The following DRGX variants were observed in gnomAD, a reference collection of about 807,000 sequenced individuals.
DRGX encodes the protein dorsal root ganglia homeobox protein.
DRGX carries 21 observed loss-of-function variants against 28.6 expected under a neutral mutation model. The observed-to-expected ratio is 0.73, with a 90% CI of 0.52 to 1.06. DRGX has a LOEUF of 1.06. Among genes scored for constraint, DRGX ranks in the 50% least tolerant of loss-of-function variants. The pLI is 0.00. For synonymous variants in DRGX, 136 were observed against 139.1 expected, an observed-to-expected ratio of 0.98 and a Z score of 0.16; for missense variants, 354 against 343.9, an observed-to-expected ratio of 1.03 and a Z score of -0.23.
chr10:49,372,190 A>T (rs1849666522), intron 6 of DRGX, among the ~76,000 whole-genome samples: 1 of 152,216 alleles, frequency 6.6e-6, no homozygotes, highest in Non-Finnish European at 1.5e-5. Flanking sequence ...GGGGCCACTG[A>T]GTTGGCCGTG....
intron 2 of DRGX, among the ~76,000 whole-genome samples, chr10:49,393,392 C>G (rs750748549): frequency 6.6e-6 from 1 of 152,098 alleles, no homozygotes; most frequent in African/African-American, 2.4e-5. Context: ...AAAAAAATAG[C>G]AGATACTTTT....
rs1337689697 is a variant in DRGX at position 49,364,768 on chromosome 10, TG to T, written c.*1347del. 6 of 151,412 alleles carry T rather than the reference TG, an allele frequency of 4.0e-5. No homozygotes were observed. The East Asian group carries it at 1.2e-3, about 29-fold the overall frequency. The allele number at this position is 151,412 out of a possible 1,614,324, so 9.4% of individuals were successfully genotyped here. On this transcript the variant is annotated 3_prime_UTR_variant, in exon 7 of 7. Coordinates refer to ENST00000374139, the MANE Select transcript of DRGX (RefSeq NM_001276451.2). ...GGAGTATTATTTGGGGGTCATGGAG[TG>T]GGGGAAGGTAAAAAGGGGACAGGAA...
rs948268890 is a variant in DRGX, at chr10:49,365,843, C to T, written c.*273G>A. ...AGACTCTGGGCCTGGATGGAAATCC[C>T]AGGGAGGCTCCTCACAGAGAGGGCT... On this transcript the variant is annotated 3_prime_UTR_variant, in exon 7 of 7. Coordinates refer to ENST00000374139, the MANE Select transcript of DRGX (RefSeq NM_001276451.2). The T allele has an allele frequency of 1.2e-5, 4 of 341,928 alleles. No homozygotes were observed. Among genetic ancestry groups the T allele is most frequent in the Non-Finnish European group, 2.1e-5 (4 of 191,556 alleles). The allele number at this position is 341,928 out of a possible 1,614,324, so 21.2% of individuals were successfully genotyped here.
intron 6 of DRGX, among the ~76,000 whole-genome samples, chr10:49,376,183 C>T (rs1227816569): frequency 6.6e-6 from 1 of 152,110 alleles, no homozygotes; most frequent in Non-Finnish European, 1.5e-5. Flanking sequence ...TCAGGTTCCC[C>T]CACTATATTC....
In DRGX at chr10:49,365,843, C is replaced by A; in HGVS notation, c.*273G>T. On this transcript the variant is annotated 3_prime_UTR_variant, in exon 7 of 7. Transcript: ENST00000374139. Reference sequence around the variant, plus strand: ...AGACTCTGGGCCTGGATGGAAATCCCAGGGAGGCTCCTCACAGAGAGGGCT... The same window carrying A: ...AGACTCTGGGCCTGGATGGAAATCCAAGGGAGGCTCCTCACAGAGAGGGCT... 1 of 342,046 alleles carries A rather than the reference C, an allele frequency of 2.9e-6. No homozygotes were observed. Among genetic ancestry groups the A allele is most frequent in the Non-Finnish European group, 5.2e-6 (1 of 191,548 alleles). 21.2% of individuals were successfully genotyped at this position (342,046 alleles called of 1,614,324 possible).
At chr10:49,395,791 C>A in intron 1 of DRGX, 144 bp downstream of exon 1, 1 of 361,186 alleles carries the variant, frequency 2.8e-6, no homozygotes, top group Non-Finnish European at 5.1e-6. Context: ...GGGGTCCCAG[C>A]CAGAAGCCCT....
At chr10:49,385,229 A>G (rs1485953507) in intron 6 of DRGX, among the ~76,000 whole-genome samples, 2 of 152,224 alleles carry the variant, frequency 1.3e-5, no homozygotes, top group South Asian at 4.1e-4. Context: ...GAAGGTACTG[A>G]GCTAGGCCTT....
At chr10:49,367,027 C>T (rs527512632) in intron 6 of DRGX, among the ~76,000 whole-genome samples, 1 of 152,252 alleles carries the variant, frequency 6.6e-6, no homozygotes, top group East Asian at 1.9e-4. Context: ...GCTTATAAGG[C>T]ACATAAGCCC....
At chr10:49,394,670 C>A (rs1349638781) in intron 2 of DRGX, among the ~76,000 whole-genome samples, 2 of 152,232 alleles carry the variant, frequency 1.3e-5, no homozygotes, top group African/African-American at 2.4e-5. Flanking sequence ...TCTCACCAAC[C>A]CACGCCCCCA....
rs1849845936 is a variant in DRGX at position 49,386,827 on chromosome 10, C to T, written c.266G>A (p.Arg89Lys). The stretch of plus-strand genomic sequence containing the variant: ...GTCTGAGGCCCCTCTCTCTGTCTTC[C>T]TCCATTTGGCCCTTCTGTTCTGGAA... Reference protein sequence around the residue: ...VWFQNRRAKWRKTERGASDQE... With the variant: ...VWFQNRRAKWKKTERGASDQE... The change falls in exon 5 of 7, where the codon AGG (arginine) becomes AAG (lysine). Residue 89 changes from arginine (R) to lysine (K), a missense_variant. By Grantham distance (26) the Arg-to-Lys change is conservative. Coordinates refer to ENST00000374139, the MANE Select transcript of DRGX (RefSeq NM_001276451.2). 1 of 1,584,412 alleles carries T rather than the reference C, an allele frequency of 6.3e-7. No individual in the cohort carries two copies. Among genetic ancestry groups the T allele is most frequent in the Admixed American group, 1.9e-5 (1 of 53,674 alleles).
chr10:49,382,816 T>C (rs1056125987), intron 6 of DRGX, among the ~76,000 whole-genome samples: 5 of 152,346 alleles, frequency 3.3e-5, no homozygotes, highest in Admixed American at 6.5e-5. Flanking sequence ...TCCCTCCTTC[T>C]TCCTGGACAC....
At position 49,364,722 on chromosome 10, in the gene DRGX, A is replaced by G. The variant is rs1849580210; in HGVS notation, c.*1394T>C. 1 of 152,194 alleles carries G rather than the reference A, an allele frequency of 6.6e-6. No individual in the cohort carries two copies. Among genetic ancestry groups the G allele is most frequent in the South Asian group, 2.1e-4 (1 of 4,828 alleles). 9.4% of individuals were successfully genotyped at this position (152,194 alleles called of 1,614,324 possible). A position where few individuals can be genotyped will look rare whatever the true frequency, so the allele number is the denominator to read the frequency against. On this transcript the variant is annotated 3_prime_UTR_variant, in exon 7 of 7. Coordinates refer to ENST00000374139, the MANE Select transcript of DRGX (RefSeq NM_001276451.2). ...TTATCAAATGCTTCGTAGTGATCAT[A>G]GACAAGGCATGATACACTCAGGAGT...
intron 6 of DRGX, among the ~76,000 whole-genome samples, chr10:49,385,796 G>C (rs957030868): frequency 6.6e-6 from 1 of 151,774 alleles, no homozygotes; most frequent in Non-Finnish European, 1.5e-5. Context: ...CCAGACGCAC[G>C]CTGGGGCCCA....
intron 6 of DRGX, among the ~76,000 whole-genome samples, chr10:49,380,999 T>C (rs771381176): frequency 3.3e-5 from 5 of 152,230 alleles, no homozygotes; most frequent in Non-Finnish European, 5.9e-5. Flanking sequence ...AAGATCCCCA[T>C]TCTGCAGATG....
intron 6 of DRGX, among the ~76,000 whole-genome samples, chr10:49,383,492 T>A (rs1451067280): frequency 6.6e-6 from 1 of 152,120 alleles, no homozygotes; most frequent in Non-Finnish European, 1.5e-5. Flanking sequence ...TTACAGCCTG[T>A]CACAAAACAG....
At chr10:49,382,961 C>T (rs765260098) in intron 6 of DRGX, among the ~76,000 whole-genome samples, 42 of 152,122 alleles carry the variant, frequency 2.8e-4, no homozygotes, top group Admixed American at 1.1e-3. Flanking sequence ...TGGCGGTGTT[C>T]GAAGCTGACT....
intron 6 of DRGX, among the ~76,000 whole-genome samples, chr10:49,368,521 A>T (rs1849622585): frequency 6.6e-6 from 1 of 152,222 alleles, no homozygotes; most frequent in Non-Finnish European, 1.5e-5. Flanking sequence ...CCACACCCTG[A>T]CACCAGTCAC....
At chr10:49,383,386 G>A (rs1849798857) in intron 6 of DRGX, among the ~76,000 whole-genome samples, 1 of 152,180 alleles carries the variant, frequency 6.6e-6, no homozygotes, top group Non-Finnish European at 1.5e-5. Context: ...GCCATGGAAG[G>A]GGAAGGTGTC....
chr10:49,388,086 G>A (rs1849860152), intron 4 of DRGX, among the ~76,000 whole-genome samples: 1 of 152,158 alleles, frequency 6.6e-6, no homozygotes, highest in African/African-American at 2.4e-5. Flanking sequence ...AAAAAAGCTG[G>A]TAATTCACCT....
Sources: allele counts gnomAD v4.1 joint callset (sites outside exome capture counted in the v4.1 genomes callset), GRCh38; gene constraint gnomAD v4.1.1; transcripts MANE v1.5; gene names NCBI Gene and HGNC (gene_info 2026-07-23, HGNC 2026-07-21).